The following DLG2 variants were observed in gnomAD, a reference collection of about 807,000 sequenced individuals.
The protein encoded by DLG2 is discs large MAGUK scaffold protein 2.
DLG2 carries 45 observed loss-of-function variants against 132.5 expected under a neutral mutation model. The observed-to-expected ratio is 0.34, with a 90% confidence interval of 0.27 to 0.44. The LOEUF (loss-of-function observed/expected upper bound fraction) is 0.44, where lower values mean the gene tolerates loss of function less well. Ranked by LOEUF, DLG2 falls within the 20% of genes least tolerant of loss-of-function variation. The pLI is 1.00. For missense variants in DLG2, 1,045 were observed against 1,196.9 expected, an observed-to-expected ratio of 0.87 and a Z score of 1.87; for synonymous variants, 424 against 419.6, an observed-to-expected ratio of 1.01 and a Z score of -0.13.
chr11:85,236,627 A>G (rs1244165682), intron 4 of DLG2, among the ~76,000 whole-genome samples: 1 of 152,092 alleles, frequency 6.6e-6, no homozygotes, highest in Admixed American at 6.6e-5. Flanking sequence ...CAGGGGAGAC[A>G]TAATTTAGTG....
chr11:83,984,195 T>C (rs1242428463), intron 11 of DLG2, among the ~76,000 whole-genome samples: 1 of 1,638 alleles, frequency 6.1e-4, no homozygotes, highest in Non-Finnish European at 2.5e-3. Flanking sequence ...AGATAGATGA[T>C]AGATAGATAG....
At chr11:83,765,614 T>G (rs987224056) in intron 18 of DLG2, among the ~76,000 whole-genome samples, 2 of 152,210 alleles carry the variant, frequency 1.3e-5, no homozygotes, top group African/African-American at 4.8e-5. Context: ...GGTTAGATAT[T>G]TAATGCAGCA....
intron 11 of DLG2, among the ~76,000 whole-genome samples, chr11:84,044,855 T>A (rs2096204602): frequency 6.6e-6 from 1 of 151,748 alleles, no homozygotes. Flanking sequence ...CAATCACCCG[T>A]ACAATCTCAG....
At chr11:84,854,791 T>C (rs2154024615) in intron 6 of DLG2, among the ~76,000 whole-genome samples, 1 of 152,070 alleles carries the variant, frequency 6.6e-6, no homozygotes, top group South Asian at 2.1e-4. Context: ...CACCCATGAA[T>C]TGTGGACTGC....
At chr11:84,383,477 A>T (rs1318484695) in intron 7 of DLG2, among the ~76,000 whole-genome samples, 1 of 152,132 alleles carries the variant, frequency 6.6e-6, no homozygotes, top group Non-Finnish European at 1.5e-5. Context: ...ATGGCAAAAA[A>T]GATGGGATAT....
At chr11:84,920,967 A>AGAATCATGTT (rs1466346596) in intron 6 of DLG2, among the ~76,000 whole-genome samples, 6 of 152,212 alleles carry the variant, frequency 3.9e-5, no homozygotes, top group Non-Finnish European at 7.4e-5. Context: ...AACTGTAACA[A>AGAATCATGTT]GAATCATGTT....
chr11:84,780,530 T>G (rs928362987), intron 6 of DLG2, among the ~76,000 whole-genome samples: 5 of 152,138 alleles, frequency 3.3e-5, no homozygotes, highest in African/African-American at 1.2e-4. Flanking sequence ...TATAAGAAAC[T>G]GCCAAACTGT....
At chr11:83,689,145 G>A (rs1403242105) in intron 18 of DLG2, among the ~76,000 whole-genome samples, 3 of 152,098 alleles carry the variant, frequency 2.0e-5, no homozygotes, top group African/African-American at 4.8e-5. Context: ...GAGGTTGAGA[G>A]CAATGGCATC....
At chr11:85,396,622 G>A (rs898237311) in intron 3 of DLG2, among the ~76,000 whole-genome samples, 7 of 152,114 alleles carry the variant, frequency 4.6e-5, no homozygotes, top group African/African-American at 1.7e-4. Context: ...CGAGCACTTC[G>A]CGATGCATGC....
At chr11:84,601,435 T>C (rs1382720944) in intron 6 of DLG2, among the ~76,000 whole-genome samples, 2 of 152,106 alleles carry the variant, frequency 1.3e-5, no homozygotes, top group East Asian at 3.8e-4. Flanking sequence ...AGAGCTTTAA[T>C]CCAACAATCA....
chr11:85,544,208 T>C (rs986250782), intron 3 of DLG2, among the ~76,000 whole-genome samples: 4 of 152,250 alleles, frequency 2.6e-5, no homozygotes, highest in Non-Finnish European at 4.4e-5. Context: ...TTTCTACATA[T>C]GGCTAGCCAG....
intron 22 of DLG2, among the ~76,000 whole-genome samples, 166 bp from the exon 23 acceptor site, chr11:83,472,943 C>G (rs1246827600): frequency 6.6e-6 from 1 of 152,106 alleles, no homozygotes; most frequent in African/African-American, 2.4e-5. Flanking sequence ...CTCTTTAGCA[C>G]CATTTTAGTA....
At chr11:85,228,132 T>C in intron 4 of DLG2, among the ~76,000 whole-genome samples, 1 of 152,096 alleles carries the variant, frequency 6.6e-6, no homozygotes, top group East Asian at 1.9e-4. Flanking sequence ...CCTCATACCC[T>C]ATCTCCTAGG....
At chr11:85,407,317 A>G (rs2088849223) in intron 3 of DLG2, among the ~76,000 whole-genome samples, 1 of 151,894 alleles carries the variant, frequency 6.6e-6, no homozygotes, top group African/African-American at 2.4e-5. Context: ...TGGAAGGCTA[A>G]TGGGTATATT....
chr11:84,168,810 AACACACACACACACATACACAC>A (rs1596507960), intron 8 of DLG2, among the ~76,000 whole-genome samples: 1 of 115,816 alleles, frequency 8.6e-6, no homozygotes, highest in Admixed American at 9.7e-5. Flanking sequence ...ACAGCAAATC[AACACACACACACACATACACAC>A]ACACACACAC....
chr11:84,875,241 T>C (rs1462360719), intron 6 of DLG2, among the ~76,000 whole-genome samples: 1 of 152,080 alleles, frequency 6.6e-6, no homozygotes, highest in African/African-American at 2.4e-5. Context: ...GGCATCAAAG[T>C]GAAAATGCTG....
chr11:84,054,591 T>G (rs945132027), intron 11 of DLG2, among the ~76,000 whole-genome samples: 1 of 152,082 alleles, frequency 6.6e-6, no homozygotes, highest in African/African-American at 2.4e-5. Context: ...TATCCATTAC[T>G]GAAATATATG....
At chr11:83,919,043 G>A (rs2077405653) in intron 15 of DLG2, among the ~76,000 whole-genome samples, 1 of 152,148 alleles carries the variant, frequency 6.6e-6, no homozygotes, top group East Asian at 1.9e-4. Context: ...TCTTGTAAGT[G>A]AGGAGATTTC....
At chr11:84,575,466 G>A (rs1027441693) in intron 6 of DLG2, among the ~76,000 whole-genome samples, 1 of 151,932 alleles carries the variant, frequency 6.6e-6, no homozygotes, top group Non-Finnish European at 1.5e-5. Context: ...TTCCAGGCTG[G>A]GTAAAGTGGA....
Sources: gnomAD v4.1 joint callset for allele counts (sites outside exome capture counted in the v4.1 genomes callset) on GRCh38, gnomAD v4.1.1 for gene constraint, MANE v1.5 for transcripts, NCBI Gene and HGNC (gene_info 2026-07-23, HGNC 2026-07-21) for gene names.